Variants in NHSL2 observed in about 807,000 individuals in gnomAD.
NHSL2 encodes NHS-like protein 2.
NHSL2 carries 27 observed loss-of-function variants against 53.4 expected under a neutral mutation model. That is an observed-to-expected ratio of 0.51 (90% CI 0.37 to 0.70). The LOEUF (loss-of-function observed/expected upper bound fraction) is 0.70, where lower values mean the gene tolerates loss of function less well. Ranked by LOEUF, NHSL2 falls within the 30% of genes least tolerant of loss-of-function variation. The pLI, the probability that NHSL2 is intolerant of heterozygous loss-of-function variation, is 0.00. For synonymous variants in NHSL2, 408 were observed against 404.1 expected (o/e 1.01, Z -0.12); for missense variants, 892 against 980.1 (o/e 0.91, Z 1.20).
intron 1 of NHSL2, among the ~76,000 whole-genome samples, chrX:72,022,738 A>G (rs986136885): frequency 8.9e-6 from 1 of 111,829 alleles, no homozygotes; most frequent in African/African-American, 3.3e-5. Context: ...TCTAGGTCCT[A>G]GAGACCGTAT....
At chrX:72,131,122 G>A (rs1234879780) in intron 1 of NHSL2, 5 of 1,200,464 alleles carry the variant, frequency 4.2e-6, no homozygotes, top group Admixed American at 2.2e-5. Flanking sequence ...GGGTTGCGGG[G>A]GCGGTTCCTT....
rs1244563250 is a variant in NHSL2 at position 72,150,869 on chromosome X, A to G, written c.*7295A>G. 2.7e-5 allele frequency: 3 copies of G among 112,087 alleles called. No homozygotes were observed. Among genetic ancestry groups the G allele is most frequent in the Non-Finnish European group, 3.8e-5 (2 of 53,194 alleles). 9.2% of individuals were successfully genotyped at this position (112,087 alleles called of 1,213,427 possible). On this transcript the variant is annotated 3_prime_UTR_variant, in exon 8 of 8. Coordinates refer to ENST00000633930, the MANE Select transcript of NHSL2 (RefSeq NM_001013627.3). ...ACCAGAGATTGGTGAGGTTTCCCCC[A>G]TCATCTAGATGGGAGATTGACAAAT... is the stretch of plus-strand genomic sequence containing the variant.
Position 71,952,011 on chromosome X carries a change from G to C in NHSL2, c.280+40644G>C, listed in dbSNP as rs202154020. Among the ~76,000 whole-genome samples, 9 of 112,203 alleles carry C rather than the reference G, an allele frequency of 8.0e-5. No individual in the cohort carries two copies. In the East Asian group the frequency reaches 2.5e-3, roughly 31 times the overall value. On this transcript the variant is annotated intron_variant, in intron 1 of 7. Transcript: ENST00000633930. Reference sequence around the variant, plus strand: ...ATGGAGAAGAGGGGAAAAGGAAGGAGGTGACAGATTTCTCTGAACCCATTA... The same window carrying C: ...ATGGAGAAGAGGGGAAAAGGAAGGACGTGACAGATTTCTCTGAACCCATTA...
In NHSL2 at chrX:72,139,424, C is replaced by T; in HGVS notation, c.1876C>T (p.His626Tyr). Residue 626 changes from histidine (H) to tyrosine (Y), a missense_variant, in exon 6 of 8, where the codon CAC becomes TAC. Coordinates refer to ENST00000633930, the MANE Select transcript of NHSL2 (RefSeq NM_001013627.3). The part of the protein sequence containing the change: ...DAQGHPAIPN[H>Y]KDPESTQFSH... ...TCAGGGTCACCCAGCTATTCCAAAC[C>T]ACAAAGATCCAGAAAGTACACAATT... 1 of 1,211,060 alleles carries T rather than the reference C, an allele frequency of 8.3e-7. No homozygotes were observed. Among genetic ancestry groups the T allele is most frequent in the Non-Finnish European group, 1.1e-6 (1 of 895,136 alleles).
chrX:72,051,049 T>C (rs1010917977), intron 1 of NHSL2, among the ~76,000 whole-genome samples: 8 of 111,945 alleles, frequency 7.1e-5, no homozygotes, highest in African/African-American at 2.6e-4. Context: ...ATGTACTATT[T>C]GGTTTTGCAC....
chrX:72,069,742 A>G, intron 1 of NHSL2: 2 of 913,701 alleles, frequency 2.2e-6, no homozygotes, highest in Non-Finnish European at 2.7e-6. Flanking sequence ...AGCAGGATGC[A>G]TTCAGCAACA....
rs2147526989 is a variant in NHSL2, at chrX:72,139,875, C to G, written c.2327C>G (p.Thr776Ser). ...CGGCTATCATTTGACCTACCACTGA[C>G]CTCTTCACCCAACCTGGATCTGTCT... ...KSRLSFDLPL[T>S]SSPNLDLSGM... Residue 776 changes from threonine to serine, a missense_variant, in exon 6 of 8, where the codon ACC becomes AGC. By Grantham distance (58) the Thr-to-Ser change is moderately conservative. Coordinates refer to ENST00000633930, the MANE Select transcript of NHSL2 (RefSeq NM_001013627.3). 1 of 1,211,234 alleles carries G rather than the reference C, an allele frequency of 8.3e-7. No homozygotes were observed. The highest frequency in any genetic ancestry group is 1.7e-5 in the African/African-American group (1 of 57,778).
intron 1 of NHSL2, among the ~76,000 whole-genome samples, chrX:71,932,927 C>G (rs933112271): frequency 8.9e-6 from 1 of 112,550 alleles, no homozygotes; most frequent in African/African-American, 3.2e-5. Flanking sequence ...ATTCTAAGAA[C>G]AACCCTTGTG....
chrX:72,084,886 G>C (rs751962158), intron 1 of NHSL2, among the ~76,000 whole-genome samples: 1 of 111,631 alleles, frequency 9.0e-6, no homozygotes, highest in Non-Finnish European at 1.9e-5. Context: ...CAGTCACCGG[G>C]CTTACAGGCA....
chrX:71,988,226 A>T (rs2147873823), intron 1 of NHSL2, among the ~76,000 whole-genome samples: 1 of 111,626 alleles, frequency 9.0e-6, no homozygotes, highest in East Asian at 2.8e-4. Flanking sequence ...TGTTGAAGGG[A>T]TCTTTTTTGA....
At chrX:72,033,761 C>T (rs2042227656) in intron 1 of NHSL2, among the ~76,000 whole-genome samples, 1 of 111,745 alleles carries the variant, frequency 8.9e-6, no homozygotes, top group Non-Finnish European at 1.9e-5. Flanking sequence ...TTGCTGAAGT[C>T]ATTTATTAGT....
At chrX:72,069,738 A>G in intron 1 of NHSL2, 1 of 923,034 alleles carries the variant, frequency 1.1e-6, no homozygotes, top group Non-Finnish European at 1.3e-6. Flanking sequence ...CCAAAGCAGG[A>G]TGCATTCAGC....
At chrX:72,071,666 C>A (rs952191557) in intron 1 of NHSL2, among the ~76,000 whole-genome samples, 2 of 111,062 alleles carry the variant, frequency 1.8e-5, no homozygotes, top group African/African-American at 6.6e-5. Flanking sequence ...CCCGATTGAA[C>A]ACTCACTCCC....
intron 1 of NHSL2, among the ~76,000 whole-genome samples, chrX:71,946,973 C>T (rs890910670): frequency 1.2e-4 from 13 of 112,231 alleles, no homozygotes; most frequent in African/African-American, 3.9e-4. Flanking sequence ...CCTGGTTCAC[C>T]ATTGGCCAGT....
intron 1 of NHSL2, among the ~76,000 whole-genome samples, chrX:72,037,323 T>C (rs1322352566): frequency 2.7e-5 from 3 of 110,459 alleles, no homozygotes; most frequent in African/African-American, 9.9e-5. Flanking sequence ...CTTGGGAGGC[T>C]GAGGCAGGAG....
In NHSL2 at chrX:71,982,569, C is replaced by T. The variant is rs144585729; in HGVS notation, c.280+71202C>T. 1.5e-3 allele frequency among the ~76,000 whole-genome samples: 171 copies of T among 111,644 alleles called. 1 individual carries two copies. In the East Asian group the frequency reaches 0.036, roughly 24 times the overall value. On this transcript the variant is annotated intron_variant, in intron 1 of 7. Coordinates refer to ENST00000633930, the MANE Select transcript of NHSL2 (RefSeq NM_001013627.3). ...GGACTTTCAGCCCAACCTCCAGGGA[C>T]GGGAGAGGGGCTGAAGGTGAAGTTG... is the stretch of plus-strand genomic sequence containing the variant.
At chrX:72,116,456 C>T (rs904009056) in intron 1 of NHSL2, among the ~76,000 whole-genome samples, 1 of 112,253 alleles carries the variant, frequency 8.9e-6, no homozygotes, top group Non-Finnish European at 1.9e-5. Flanking sequence ...TAATCACAAA[C>T]CTTTGAAATG....
Position 72,140,158 on chromosome X carries a change from C to T in NHSL2, c.2610C>T (p.Pro870=), listed in dbSNP as rs771571087. 22 of 1,209,115 alleles carry T rather than the reference C, an allele frequency of 1.8e-5. No homozygotes were observed. Among genetic ancestry groups the T allele is most frequent in the African/African-American group, 3.5e-5 (2 of 56,988 alleles). Residue 870 remains proline, a synonymous_variant, in exon 6 of 8, where the codon CCC becomes CCT. Coordinates refer to ENST00000633930, the MANE Select transcript of NHSL2 (RefSeq NM_001013627.3). The part of the protein sequence containing the change: ...FTLPERKTKP[P]VAEKPPVARR... ...TGCCAGAGAGAAAGACAAAACCTCC[C>T]GTAGCTGAGAAGCCTCCGGTGGCCC... is the stretch of plus-strand genomic sequence containing the variant.
At chrX:71,931,323 A>G (rs1368963213) in intron 1 of NHSL2, among the ~76,000 whole-genome samples, 1 of 112,161 alleles carries the variant, frequency 8.9e-6, no homozygotes, top group African/African-American at 3.2e-5. Context: ...TTGCCTTTTC[A>G]CTTTCTTAAC....
Sources: gnomAD v4.1 joint callset for allele counts (sites outside exome capture counted in the v4.1 genomes callset) on GRCh38, gnomAD v4.1.1 for gene constraint, MANE v1.5 for transcripts, NCBI Gene and HGNC (gene_info 2026-07-23, HGNC 2026-07-21) for gene names.